SKAP1: variants seen among roughly 807,000 people sequenced by gnomAD.
SKAP1 encodes src kinase associated phosphoprotein 1.
Under a neutral mutation model 58.5 loss-of-function variants are expected in SKAP1, and 44 were observed. The observed-to-expected ratio is 0.75, with a 90% CI of 0.59 to 0.97. The LOEUF is 0.97. Among genes scored for constraint, SKAP1 ranks in the 50% least tolerant of loss-of-function variants. The probability of loss-of-function intolerance (pLI) is 0.00; values close to 1 mark genes in which losing one functional copy is unlikely to be tolerated. For synonymous variants in SKAP1, 127 were observed against 149.7 expected, an observed-to-expected ratio of 0.85 and a Z score of 1.11; for missense variants, 390 against 435.2, an observed-to-expected ratio of 0.90 and a Z score of 0.92.
chr17:48,308,977 TAA>T (rs2066185564), intron 4 of SKAP1, among the ~76,000 whole-genome samples: 2 of 152,118 alleles, frequency 1.3e-5, no homozygotes, highest in African/African-American at 2.4e-5. Context: ...ATAGATTTCA[TAA>T]AGACCTGAAA....
intron 4 of SKAP1, among the ~76,000 whole-genome samples, chr17:48,251,854 A>G (rs2143879520): frequency 6.6e-6 from 1 of 152,342 alleles, no homozygotes. Context: ...CAAAGGTTTC[A>G]AAGTCGAATA....
intron 1 of SKAP1, among the ~76,000 whole-genome samples, chr17:48,409,605 T>C (rs981912893): frequency 6.7e-6 from 1 of 150,178 alleles, no homozygotes; most frequent in Non-Finnish European, 1.5e-5. Context: ...GAGGCATAGG[T>C]TGCAGTGAGC....
chr17:48,176,158 A>G (rs549816872), intron 9 of SKAP1, among the ~76,000 whole-genome samples: 3 of 152,306 alleles, frequency 2.0e-5, no homozygotes, highest in East Asian at 1.9e-4. Flanking sequence ...TAGGTTTATA[A>G]TAACACCCTG....
At chr17:48,300,367 G>C (rs1337057833) in intron 4 of SKAP1, among the ~76,000 whole-genome samples, 1 of 148,326 alleles carries the variant, frequency 6.7e-6, no homozygotes, top group African/African-American at 2.6e-5. Flanking sequence ...GCTCCAGGGA[G>C]TTCTGGGGAT....
intron 9 of SKAP1, among the ~76,000 whole-genome samples, chr17:48,178,880 C>T (rs1407263364): frequency 6.6e-6 from 1 of 152,080 alleles, no homozygotes; most frequent in Non-Finnish European, 1.5e-5. Context: ...GCTGGAAGTG[C>T]TAGGAGAAGA....
intron 9 of SKAP1, among the ~76,000 whole-genome samples, chr17:48,173,025 T>G (rs1216684371): frequency 6.6e-6 from 1 of 151,664 alleles, no homozygotes; most frequent in East Asian, 1.9e-4. Flanking sequence ...AAAATAAAAA[T>G]AAAAATTAGC....
intron 1 of SKAP1, among the ~76,000 whole-genome samples, chr17:48,424,661 A>G (rs1251396474): frequency 6.6e-6 from 1 of 150,930 alleles, no homozygotes; most frequent in African/African-American, 2.4e-5. Context: ...AAGGCCAGGC[A>G]CGGTGGCTCA....
At chr17:48,369,781 C>G (rs2067059923) in intron 2 of SKAP1, among the ~76,000 whole-genome samples, 1 of 152,156 alleles carries the variant, frequency 6.6e-6, no homozygotes, top group African/African-American at 2.4e-5. Flanking sequence ...CATAAGAAAG[C>G]TAATGGACAA....
intron 4 of SKAP1, among the ~76,000 whole-genome samples, chr17:48,229,437 A>G (rs531714320): frequency 3.5e-4 from 53 of 152,108 alleles, no homozygotes; most frequent in Middle Eastern, 6.8e-3. Flanking sequence ...CCTGGCCAAG[A>G]TGGTTAAACC....
intron 4 of SKAP1, among the ~76,000 whole-genome samples, chr17:48,230,171 T>C (rs2065111227): frequency 6.6e-6 from 1 of 152,184 alleles, no homozygotes; most frequent in Non-Finnish European, 1.5e-5. Context: ...GTTGATTTCC[T>C]GTAATATCTG....
intron 2 of SKAP1, 77 bp from the exon 3 acceptor site, chr17:48,363,891 T>G (rs2066968975): frequency 4.2e-6 from 5 of 1,188,038 alleles, no homozygotes; most frequent in Non-Finnish European, 6.0e-6. Context: ...ACCATAGCTA[T>G]AGCACCTGGT....
intron 2 of SKAP1, among the ~76,000 whole-genome samples, chr17:48,387,172 C>T (rs2067288103): frequency 6.6e-6 from 1 of 152,152 alleles, no homozygotes; most frequent in African/African-American, 2.4e-5. Flanking sequence ...CTGCTGAGAG[C>T]CCCAGTTTAA....
chr17:48,416,241 C>G (rs1438196336), intron 1 of SKAP1, among the ~76,000 whole-genome samples: 2 of 151,612 alleles, frequency 1.3e-5, no homozygotes, highest in Non-Finnish European at 1.5e-5. Flanking sequence ...GAAAATGTTT[C>G]CTTTATCTTG....
At chr17:48,365,868 A>T (rs1190087832) in intron 2 of SKAP1, among the ~76,000 whole-genome samples, 3 of 150,630 alleles carry the variant, frequency 2.0e-5, no homozygotes, top group African/African-American at 7.3e-5. Context: ...GAATACATTC[A>T]TGGGTTCTTA....
chr17:48,291,857 A>G (rs1251775375), intron 4 of SKAP1, among the ~76,000 whole-genome samples: 7 of 152,226 alleles, frequency 4.6e-5, no homozygotes, highest in African/African-American at 1.7e-4. Context: ...ACAGGACTGC[A>G]TACTAGCGTT....
chr17:48,379,971 C>T (rs888849935), intron 2 of SKAP1, among the ~76,000 whole-genome samples: 1 of 152,140 alleles, frequency 6.6e-6, no homozygotes, highest in Non-Finnish European at 1.5e-5. Context: ...CATGAGCCAC[C>T]GTGCCCGGCC....
intron 12 of SKAP1, among the ~76,000 whole-genome samples, chr17:48,134,628 A>G (rs2063676410): frequency 6.6e-6 from 1 of 152,120 alleles, no homozygotes; most frequent in Non-Finnish European, 1.5e-5. Flanking sequence ...ATAAATTCTT[A>G]GAAATAGATT....
At chr17:48,365,842 G>A (rs1286575153) in intron 2 of SKAP1, among the ~76,000 whole-genome samples, 2 of 151,404 alleles carry the variant, frequency 1.3e-5, no homozygotes, top group Admixed American at 1.3e-4. Context: ...TCTTTTGCAG[G>A]GGTGCCCAAG....
At chr17:48,175,794 CA>C (rs1423612922) in intron 9 of SKAP1, among the ~76,000 whole-genome samples, 8 of 152,110 alleles carry the variant, frequency 5.3e-5, no homozygotes, top group African/African-American at 1.7e-4. Context: ...AGGCTGAGAT[CA>C]GGGGGATGGT....
Sources: gnomAD v4.1 joint callset for allele counts (sites outside exome capture counted in the v4.1 genomes callset) on GRCh38, gnomAD v4.1.1 for gene constraint, MANE v1.5 for transcripts, NCBI Gene and HGNC (gene_info 2026-07-23, HGNC 2026-07-21) for gene names.